Variants in PEPD observed in about 807,000 individuals in gnomAD.
PEPD encodes peptidase D.
In PEPD, 53 loss-of-function variants were observed where a neutral mutation model predicts 60.7. That is an observed-to-expected ratio of 0.87 (90% CI 0.70 to 1.10). The LOEUF (loss-of-function observed/expected upper bound fraction) is 1.10. PEPD is among the 50% of genes least tolerant of loss of function. The pLI is 0.00. For missense variants in PEPD, 711 were observed against 711.9 expected, an observed-to-expected ratio of 1.00 and a Z score of 0.01; for synonymous variants, 267 against 284.1, an observed-to-expected ratio of 0.94 and a Z score of 0.60.
At chr19:33,471,650 G>A (rs940566422) in intron 7 of PEPD, among the ~76,000 whole-genome samples, 6 of 152,186 alleles carry the variant, frequency 3.9e-5, no homozygotes, top group Non-Finnish European at 7.3e-5. Context: ...AGAGGACAAA[G>A]GCCACCTCCT....
rs188644424 is a variant in PEPD, at chr19:33,463,179, C to G, written c.625-138G>C. The stretch of plus-strand genomic sequence containing the variant: ...AGAATGATATGTGCATGCAGTGGTA[C>G]AGACATGTGACAAATTAGAACTTTT... On this transcript the variant is annotated intron_variant, in intron 8 of 14. Transcript: ENST00000244137. 400 of 735,326 alleles carry G rather than the reference C, an allele frequency of 5.4e-4. No individual in the cohort carries two copies. In the African/African-American group the frequency reaches 6.5e-3, roughly 12 times the overall value. The allele number at this position is 735,326 out of a possible 1,614,324, so 45.6% of individuals were successfully genotyped here.
At chr19:33,413,356 C>G (rs190526063) in intron 10 of PEPD, among the ~76,000 whole-genome samples, 1 of 152,216 alleles carries the variant, frequency 6.6e-6, no homozygotes, top group Admixed American at 6.5e-5. Context: ...GCAGGCCATG[C>G]TCCCTCCTTC....
chr19:33,493,813 C>T (rs1264627152), intron 4 of PEPD, among the ~76,000 whole-genome samples: 1 of 152,160 alleles, frequency 6.6e-6, no homozygotes, highest in Admixed American at 6.5e-5. Context: ...CCAATCCCAC[C>T]CTCTGGCCCC....
intron 6 of PEPD, among the ~76,000 whole-genome samples, chr19:33,482,912 T>G (rs1376679809): frequency 5.3e-5 from 8 of 152,192 alleles, no homozygotes; most frequent in Non-Finnish European, 1.0e-4. Flanking sequence ...ATTAACCAAC[T>G]TGACGTAATT....
intron 6 of PEPD, among the ~76,000 whole-genome samples, chr19:33,479,598 T>C (rs1030939304): frequency 2.0e-5 from 3 of 152,138 alleles, no homozygotes; most frequent in Non-Finnish European, 2.9e-5. Context: ...TAGGCCCCAG[T>C]GTGTGTTGTC....
rs1970948915 is a variant in PEPD at position 33,512,625 on chromosome 19, A to G, written c.169T>C (p.Tyr57His). The change falls in exon 2 of 15, where the codon TAC becomes CAC. Residue 57 changes from tyrosine to histidine, a missense_variant. Coordinates refer to ENST00000244137, the MANE Select transcript of PEPD (RefSeq NM_000285.4). ...VLQGGEETQR[Y>H]CTDTGVLFRQ... ...AAGAGGACCCCGGTGTCGGTGCAGT[A>G]GCGCTGAGTCTCCTCCCCGCCCTGC... 1.9e-6 allele frequency: 3 copies of G among 1,613,816 alleles called. No individual in the cohort carries two copies. Among genetic ancestry groups the G allele is most frequent in the African/African-American group, 2.7e-5 (2 of 74,930 alleles).
chr19:33,390,884 C>T (rs1378068237), intron 13 of PEPD, among the ~76,000 whole-genome samples: 1 of 152,106 alleles, frequency 6.6e-6, no homozygotes, highest in Non-Finnish European at 1.5e-5. Context: ...GTGGGTGGGG[C>T]CTCATCAACT....
At chr19:33,473,878 G>C (rs766222534) in intron 7 of PEPD, among the ~76,000 whole-genome samples, 2 of 152,150 alleles carry the variant, frequency 1.3e-5, no homozygotes, top group Non-Finnish European at 2.9e-5. Context: ...GGAATTTACA[G>C]GCAATCAAAA....
intron 9 of PEPD, among the ~76,000 whole-genome samples, chr19:33,425,972 G>C (rs925622634): frequency 6.6e-6 from 1 of 152,086 alleles, no homozygotes; most frequent in Admixed American, 6.5e-5. Context: ...ACCACACCTG[G>C]CTAATTTATT....
At position 33,386,972 on chromosome 19, in the gene PEPD, T is replaced by A. The variant is rs1024948895; in HGVS notation, c.*372A>T. 1 of 276,934 alleles carries A rather than the reference T, an allele frequency of 3.6e-6. No homozygotes were observed. Among genetic ancestry groups the A allele is most frequent in the Non-Finnish European group, 7.0e-6 (1 of 143,884 alleles). 17.2% of individuals were successfully genotyped at this position (276,934 alleles called of 1,614,324 possible). On this transcript the variant is annotated 3_prime_UTR_variant, in exon 15 of 15. Transcript: ENST00000244137. ...AAGGACCATTTTAGGAAACCTTTTA[T>A]TGCAAATGCCATTCTGCATATTGAT...
At chr19:33,485,692 A>T (rs1970384456) in intron 6 of PEPD, among the ~76,000 whole-genome samples, 1 of 152,168 alleles carries the variant, frequency 6.6e-6, no homozygotes, top group Non-Finnish European at 1.5e-5. Flanking sequence ...CCCCAAATTC[A>T]GAATTTCATC....
chr19:33,511,823 T>C (rs1027737126), intron 2 of PEPD, among the ~76,000 whole-genome samples: 1 of 152,178 alleles, frequency 6.6e-6, no homozygotes, highest in African/African-American at 2.4e-5. Flanking sequence ...CTCACAGCCA[T>C]GGGATTGCAG....
chr19:33,436,267 G>A (rs1176949060), intron 9 of PEPD, among the ~76,000 whole-genome samples: 2 of 152,038 alleles, frequency 1.3e-5, no homozygotes, highest in African/African-American at 4.8e-5. Flanking sequence ...GGAAGAAGAG[G>A]AGGAGTGAGA....
intron 7 of PEPD, among the ~76,000 whole-genome samples, chr19:33,475,738 A>G (rs1364862420): frequency 1.3e-5 from 2 of 152,194 alleles, no homozygotes; most frequent in Non-Finnish European, 2.9e-5. Context: ...ATAAGTGGAC[A>G]TGGCCCATTC....
chr19:33,426,366 T>C (rs1193554756), intron 9 of PEPD, among the ~76,000 whole-genome samples: 2 of 152,260 alleles, frequency 1.3e-5, no homozygotes, highest in African/African-American at 4.8e-5. Context: ...TTTTTCAGCC[T>C]TACAATCTGA....
rs561148362 is a variant in PEPD, at chr19:33,445,921, T to C, written c.671+17074A>G. On this transcript the variant is annotated intron_variant, in intron 9 of 14. Coordinates refer to ENST00000244137, the MANE Select transcript of PEPD (RefSeq NM_000285.4). ...AGCCTGCTGCCCACCAGGAGCGGCCTGAATTATTCCCCGTGGCAGAAGAGA... is the reference window on the plus strand; with the variant it reads ...AGCCTGCTGCCCACCAGGAGCGGCCCGAATTATTCCCCGTGGCAGAAGAGA... 7.2e-5 allele frequency among the ~76,000 whole-genome samples: 11 copies of C among 152,290 alleles called. No homozygotes were observed. The East Asian group carries it at 2.1e-3, about 29-fold the overall frequency.
chr19:33,490,235 C>T (rs938207969), intron 5 of PEPD, among the ~76,000 whole-genome samples, 178 bp from the exon 6 acceptor site: 1 of 152,228 alleles, frequency 6.6e-6, no homozygotes, highest in African/African-American at 2.4e-5. Flanking sequence ...CAAGGACAGA[C>T]CTCTTTGCTA....
chr19:33,515,428 C>T (rs762642850), intron 1 of PEPD, among the ~76,000 whole-genome samples: 74 of 152,244 alleles, frequency 4.9e-4, no homozygotes, highest in African/African-American at 1.7e-3. Flanking sequence ...TTTTCTGCCA[C>T]GCTCAGCCAT....
At chr19:33,389,453 C>T (rs1450547478) in intron 13 of PEPD, among the ~76,000 whole-genome samples, 1 of 147,216 alleles carries the variant, frequency 6.8e-6, no homozygotes, top group African/African-American at 2.4e-5. Context: ...AGGGTCTCTG[C>T]TCCAGGACCT....
Sources: allele counts gnomAD v4.1 joint callset (sites outside exome capture counted in the v4.1 genomes callset), GRCh38; gene constraint gnomAD v4.1.1; transcripts MANE v1.5; gene names NCBI Gene and HGNC (gene_info 2026-07-23, HGNC 2026-07-21).